TIMELESS: variants seen among roughly 807,000 people sequenced by gnomAD.
TIMELESS encodes protein timeless homolog.
A neutral mutation model predicts 164.3 loss-of-function variants in TIMELESS; 124 were observed. The ratio of observed to expected loss-of-function variants is 0.75; its 90% CI spans 0.65 to 0.88. TIMELESS has a LOEUF of 0.88. Ranked by LOEUF, TIMELESS falls within the 40% of genes least tolerant of loss-of-function variation. TIMELESS has a pLI of 0.00. For synonymous variants in TIMELESS, 564 were observed against 563.4 expected, an observed-to-expected ratio of 1.00 and a Z score of -0.02; for missense variants, 1,422 against 1,491.4, an observed-to-expected ratio of 0.95 and a Z score of 0.77.
In TIMELESS at chr12:56,433,907, G is replaced by A; in HGVS notation, c.117C>T (p.Ile39=). 1 of 1,614,130 alleles carries A rather than the reference G, an allele frequency of 6.2e-7. No homozygotes were observed. Among genetic ancestry groups the A allele is most frequent in the Non-Finnish European group, 8.5e-7 (1 of 1,180,006 alleles). Residue 39 remains isoleucine (I), a synonymous_variant, in exon 3 of 29, where the codon ATC becomes ATT. Coordinates refer to ENST00000553532, the MANE Select transcript of TIMELESS (RefSeq NM_003920.5). The part of the protein sequence containing the change: ...PDCLESVKDL[I]RYLRHEDETR... ...TCTCATCCTCATGCCTCAAATAGCGGATCAGATCCTTCACGCTCTCTTCAG... is the reference window on the plus strand; with the variant it reads ...TCTCATCCTCATGCCTCAAATAGCGAATCAGATCCTTCACGCTCTCTTCAG...
chr12:56,419,945 G>A (rs138563850), intron 26 of TIMELESS, among the ~76,000 whole-genome samples: 252 of 132,418 alleles, frequency 1.9e-3, no homozygotes, highest in African/African-American at 5.4e-3. Flanking sequence ...AGGTTGAGGC[G>A]ACAGTGAGCT....
rs1229030855 is a variant in TIMELESS, at chr12:56,428,321, A to T, written c.1493T>A (p.Phe498Tyr). 6.2e-7 allele frequency: 1 copy of T among 1,613,768 alleles called. No individual in the cohort carries two copies. Reference protein sequence around the residue: ...KFDERCQPRSFLRDLVETTHL... With the variant: ...KFDERCQPRSYLRDLVETTHL... Reference sequence around the variant, plus strand: ...GGTGGTCTCCACCAGGTCACGAAGGAAAGAGCGGGGCTGGCATCTCTCATC... The same window carrying T: ...GGTGGTCTCCACCAGGTCACGAAGGTAAGAGCGGGGCTGGCATCTCTCATC... The change falls in exon 13 of 29, where the codon TTC (phenylalanine) becomes TAC (tyrosine). Residue 498 changes from phenylalanine to tyrosine, a missense_variant. Coordinates refer to ENST00000553532, the MANE Select transcript of TIMELESS (RefSeq NM_003920.5).
chr12:56,420,031 T>A (rs200158776), intron 26 of TIMELESS, among the ~76,000 whole-genome samples: 7,557 of 39,794 alleles, frequency 0.19, 327 homozygotes, highest in Non-Finnish European at 0.2. Flanking sequence ...AAAAAAAAAA[T>A]ATATATATAT....
chr12:56,429,308 C>A (rs1271371022), intron 10 of TIMELESS, among the ~76,000 whole-genome samples: 1 of 151,878 alleles, frequency 6.6e-6, no homozygotes, highest in African/African-American at 2.4e-5. Flanking sequence ...AAGCGATTCT[C>A]CTGCCTCAGC....
chr12:56,422,940 GCAGC>G lies in TIMELESS; in HGVS notation c.2341_2344del (p.Ala781GlnfsTer22), dbSNP rs747149987. The stretch of plus-strand genomic sequence containing the variant: ...CTCCACAAAGGCTTTTTGGTTGACT[GCAGC>G]CAGTGCAAAAAATTTGCCCAGGATG... On this transcript the variant is annotated frameshift_variant, in exon 19 of 29. Transcript: ENST00000553532. LOFTEE classifies it high-confidence loss of function. 1 of 1,613,846 alleles carries G rather than the reference GCAGC, an allele frequency of 6.2e-7. No homozygotes were observed. Among genetic ancestry groups the G allele is most frequent in the African/African-American group, 1.3e-5 (1 of 75,016 alleles).
rs1434077519 is a variant in TIMELESS, at chr12:56,425,130, T to C, written c.1601A>G (p.Lys534Arg). The change falls in exon 14 of 29, where the codon AAG becomes AGG. Residue 534 changes from lysine to arginine, a missense_variant. Physicochemically the swap from Lys to Arg is conservative, Grantham distance 26. Coordinates refer to ENST00000553532, the MANE Select transcript of TIMELESS (RefSeq NM_003920.5). Reference protein sequence around the residue: ...VVQNKQKKRRKKKKKVLDQAI... With the variant: ...VVQNKQKKRRRKKKKVLDQAI... ...CTGGTCTAGGACCTTCTTCTTCTTCTTCCTTCTCTTCTTTTGTTTGTTCTG... is the reference window on the plus strand; with the variant it reads ...CTGGTCTAGGACCTTCTTCTTCTTCCTCCTTCTCTTCTTTTGTTTGTTCTG... 2.5e-6 allele frequency: 4 copies of C among 1,613,614 alleles called. No homozygotes were observed. The African/African-American group carries it at 4.0e-5, about 16-fold the overall frequency.
intron 26 of TIMELESS, among the ~76,000 whole-genome samples, chr12:56,420,190 A>G (rs1881419281): frequency 6.6e-6 from 1 of 151,422 alleles, no homozygotes; most frequent in African/African-American, 2.4e-5. Context: ...CGAAGTATAC[A>G]GGTTGTACCT....
At chr12:56,420,156 G>C (rs1391512736) in intron 26 of TIMELESS, among the ~76,000 whole-genome samples, 1 of 147,248 alleles carries the variant, frequency 6.8e-6, no homozygotes, top group East Asian at 2.0e-4. Flanking sequence ...CATTGTATAG[G>C]TATTATATGT....
Position 56,430,255 on chromosome 12 carries a change from T to C in TIMELESS, c.936A>G (p.Gly312=), listed in dbSNP as rs748280816. The C allele has an allele frequency of 6.2e-7, 1 of 1,613,674 alleles. No homozygotes were observed. The highest frequency in any genetic ancestry group is 2.2e-5 in the East Asian group (1 of 44,842). The part of the protein sequence containing the change: ...HNLRNYSSDL[G]KQPKKVPKRR... ...GTTTAGGCACCTTTTTCGGCTGCTTTCCCAAATCTGAACTGTAGTTTCGTA... is the reference window on the plus strand; with the variant it reads ...GTTTAGGCACCTTTTTCGGCTGCTTCCCCAAATCTGAACTGTAGTTTCGTA... The change falls in exon 10 of 29, where the codon GGA becomes GGG. Residue 312 remains glycine, a synonymous_variant. Coordinates refer to ENST00000553532, the MANE Select transcript of TIMELESS (RefSeq NM_003920.5).
chr12:56,438,726 T>C (rs908155872), intron 1 of TIMELESS, among the ~76,000 whole-genome samples: 2 of 124,570 alleles, frequency 1.6e-5, no homozygotes, highest in Non-Finnish European at 3.1e-5. Flanking sequence ...TGCAATGGGC[T>C]GATATTGCGC....
At position 56,421,031 on chromosome 12, in the gene TIMELESS, T is replaced by C. The variant is rs1881461456; in HGVS notation, c.2972A>G (p.Glu991Gly). The C allele has an allele frequency of 6.2e-7, 1 of 1,614,116 alleles. No individual in the cohort carries two copies. The highest frequency in any genetic ancestry group is 8.5e-7 in the Non-Finnish European group (1 of 1,180,052). The change falls in exon 24 of 29, where the codon GAA becomes GGA. Residue 991 changes from glutamate to glycine, a missense_variant. Coordinates refer to ENST00000553532, the MANE Select transcript of TIMELESS (RefSeq NM_003920.5). ...DSEEEEEGGS[E>G]AEQVQGSLVL... is the part of the protein sequence containing the mutation. ...TAAGCTACCCTGGACTTGTTCTGCT[T>C]CTGAGCCCCCTTCTTCTTCCTCTTC...
In TIMELESS at chr12:56,421,146, T is replaced by G; in HGVS notation, c.2869-12A>C. The G allele has an allele frequency of 6.2e-7, 1 of 1,613,390 alleles. No individual in the cohort carries two copies. Among genetic ancestry groups the G allele is most frequent in the East Asian group, 2.2e-5 (1 of 44,866 alleles). On this transcript the variant is annotated splice_polypyrimidine_tract_variant and intron_variant, in intron 23 of 28. Coordinates refer to ENST00000553532, the MANE Select transcript of TIMELESS (RefSeq NM_003920.5). ...TCCGCTCCATTTGGCTAAAATTCAT[T>G]GGGGGTTGGGGGAATGAAAATGAAG...
At chr12:56,447,587 G>A (rs1230335962) in intron 1 of TIMELESS, among the ~76,000 whole-genome samples, 1 of 152,154 alleles carries the variant, frequency 6.6e-6, no homozygotes, top group Non-Finnish European at 1.5e-5. Flanking sequence ...TCAATTACAT[G>A]TGTTTTCCTT....
intron 1 of TIMELESS, among the ~76,000 whole-genome samples, chr12:56,442,547 T>C (rs77515633): frequency 9.2e-4 from 140 of 152,304 alleles, no homozygotes; most frequent in African/African-American, 3.2e-3. Context: ...TGTATCACTA[T>C]ATACATCAGT....
rs966259751 is a variant in TIMELESS, at chr12:56,433,632, T to C, written c.272A>G (p.Gln91Arg). Residue 91 changes from glutamine (Q) to arginine (R), a missense_variant, in exon 4 of 29, where the codon CAA becomes CGA. By Grantham distance (43) the Gln-to-Arg change is conservative (BLOSUM62 1). Coordinates refer to ENST00000553532, the MANE Select transcript of TIMELESS (RefSeq NM_003920.5). ...ATTGCCAAAACAGAGCAAGGCTGGT[T>C]GTGTCAAGTTCACCATCAGTCTGGG... ...AVIRLMVNLT[Q>R]PALLCFGNLP... 1.9e-6 allele frequency: 3 copies of C among 1,614,022 alleles called. No homozygotes were observed. The Admixed American group carries it at 5.0e-5, about 27-fold the overall frequency.
chr12:56,432,901 G>C, intron 6 of TIMELESS, 125 bp downstream of exon 6: 2 of 684,452 alleles, frequency 2.9e-6, no homozygotes, highest in Non-Finnish European at 4.8e-6. Flanking sequence ...CTTGCAGTGA[G>C]CTGAGATCGC....
chr12:56,441,883 A>C lies in TIMELESS; in HGVS notation c.-62+7427T>G, dbSNP rs115944870. Among the ~76,000 whole-genome samples the C allele has an allele frequency of 4.4e-3, 663 of 152,268 alleles. 8 individuals are homozygous for C. The highest frequency in any genetic ancestry group is 0.015 in the African/African-American group (639 of 41,566). On this transcript the variant is annotated intron_variant, in intron 1 of 28. Transcript: ENST00000553532. The stretch of plus-strand genomic sequence containing the variant: ...TGGATCACAAAGTCAGGAGTTCATG[A>C]CTAGTCTGGCCAACATGATGAAACC...
At chr12:56,420,025 AAAAAAT>A (rs1471838852) in intron 26 of TIMELESS, among the ~76,000 whole-genome samples, 1 of 89,322 alleles carries the variant, frequency 1.1e-5, no homozygotes, top group Non-Finnish European at 2.1e-5. Flanking sequence ...AAAAAAAAAA[AAAAAAT>A]ATATATATAT....
At chr12:56,431,286 A>G (rs2638304) in intron 8 of TIMELESS, among the ~76,000 whole-genome samples, 185 bp downstream of exon 8, 63,593 of 150,478 alleles carry the variant, frequency 0.42, 14,643 homozygotes, top group East Asian at 0.73. Flanking sequence ...CCCAGGAGAC[A>G]GAGGTTGCAG....
Sources: allele counts gnomAD v4.1 joint callset (sites outside exome capture counted in the v4.1 genomes callset), GRCh38; gene constraint gnomAD v4.1.1; transcripts MANE v1.5; gene names NCBI Gene and HGNC (gene_info 2026-07-23, HGNC 2026-07-21).